The following IL1RAP variants were observed in gnomAD, a reference collection of about 807,000 sequenced individuals.
IL1RAP encodes interleukin-1 receptor accessory protein.
In IL1RAP, 35 loss-of-function variants were observed where a neutral mutation model predicts 60.7. The ratio of observed to expected loss-of-function variants is 0.58; its 90% CI spans 0.44 to 0.76. IL1RAP has a LOEUF of 0.76. Ranked by LOEUF, IL1RAP falls within the 30% of genes least tolerant of loss-of-function variation. The pLI is 0.00. For missense variants in IL1RAP, 572 were observed against 693.9 expected, an observed-to-expected ratio of 0.82 and a Z score of 1.97; for synonymous variants, 268 against 250.9, an observed-to-expected ratio of 1.07 and a Z score of -0.64.
intron 1 of IL1RAP, among the ~76,000 whole-genome samples, chr3:190,532,696 C>G (rs1024215123): frequency 6.6e-6 from 1 of 152,174 alleles, no homozygotes; most frequent in African/African-American, 2.4e-5. Flanking sequence ...TGCTTTGCCT[C>G]CCTGTGCTGA....
chr3:190,532,788 C>T (rs1480090054), intron 1 of IL1RAP, among the ~76,000 whole-genome samples: 3 of 152,098 alleles, frequency 2.0e-5, no homozygotes, highest in Non-Finnish European at 4.4e-5. Context: ...TTAGTTAGTA[C>T]TCTGATGTGT....
chr3:190,547,416 G>A (rs1011606945), intron 1 of IL1RAP, among the ~76,000 whole-genome samples: 2 of 152,144 alleles, frequency 1.3e-5, no homozygotes, highest in African/African-American at 4.8e-5. Context: ...AGAAGCCATA[G>A]AATTTTCTCA....
At chr3:190,620,856 A>G (rs1324283143) in intron 6 of IL1RAP, among the ~76,000 whole-genome samples, 1 of 152,250 alleles carries the variant, frequency 6.6e-6, no homozygotes, top group Non-Finnish European at 1.5e-5. Context: ...GACTCAGTGC[A>G]ACACTTTTGT....
At chr3:190,547,768 C>T (rs898946871) in intron 1 of IL1RAP, among the ~76,000 whole-genome samples, 1 of 152,128 alleles carries the variant, frequency 6.6e-6, no homozygotes, top group African/African-American at 2.4e-5. Context: ...TTAACTCTTC[C>T]TAATAAAACT....
intron 3 of IL1RAP, among the ~76,000 whole-genome samples, chr3:190,571,939 G>A (rs1477382292): frequency 5.3e-5 from 8 of 152,204 alleles, no homozygotes; most frequent in Non-Finnish European, 1.0e-4. Context: ...CAGGAGAGCC[G>A]GAAGATTGGA....
chr3:190,560,240 G>A (rs1725769736), intron 2 of IL1RAP, among the ~76,000 whole-genome samples: 1 of 152,194 alleles, frequency 6.6e-6, no homozygotes, highest in Non-Finnish European at 1.5e-5. Context: ...TGGGATTAGG[G>A]CAGGATTGGG....
At position 190,604,025 on chromosome 3, in the gene IL1RAP, G is replaced by A. The variant is rs137978474; in HGVS notation, c.65-103G>A. ...GGCTGGAAGATGACCAGAGAAAGAG[G>A]TTCTGGAAAAGACCGGGTGAACTGA... On this transcript the variant is annotated intron_variant, in intron 3 of 11. Transcript: ENST00000447382. The A allele has an allele frequency of 1.1e-3, 1,278 of 1,163,892 alleles. 13 individuals are homozygous for A. The East Asian group carries it at 0.012, about 11-fold the overall frequency. The allele number at this position is 1,163,892 out of a possible 1,614,324, so 72.1% of individuals were successfully genotyped here. A position where few individuals can be genotyped will look rare whatever the true frequency, so the allele number is the denominator to read the frequency against.
chr3:190,529,864 AAAAAAAAAAAG>A (rs1425150753), intron 1 of IL1RAP, among the ~76,000 whole-genome samples: 2 of 151,462 alleles, frequency 1.3e-5, no homozygotes, highest in East Asian at 1.9e-4. Context: ...ACTCAAAAAA[AAAAAAAAAAAG>A]AAAAGAAAAA....
At chr3:190,587,583 G>A (rs1194942100) in intron 3 of IL1RAP, among the ~76,000 whole-genome samples, 1 of 152,210 alleles carries the variant, frequency 6.6e-6, no homozygotes, top group Non-Finnish European at 1.5e-5. Context: ...ATTTAGCTAT[G>A]AGGAAGTTTA....
chr3:190,533,971 T>TTTTTA (rs1210636921), intron 1 of IL1RAP, among the ~76,000 whole-genome samples: 2 of 152,110 alleles, frequency 1.3e-5, no homozygotes, highest in Non-Finnish European at 2.9e-5. Flanking sequence ...TTTCTTCTAT[T>TTTTTA]TTTTCTTTTC....
chr3:190,607,580 A>T (rs1051248938), intron 4 of IL1RAP, among the ~76,000 whole-genome samples: 2 of 152,120 alleles, frequency 1.3e-5, no homozygotes, highest in African/African-American at 4.8e-5. Flanking sequence ...GATCAAATTT[A>T]GATATGAGGT....
chr3:190,597,830 C>T (rs943956793), intron 3 of IL1RAP, among the ~76,000 whole-genome samples: 3 of 152,130 alleles, frequency 2.0e-5, no homozygotes, highest in African/African-American at 4.8e-5. Flanking sequence ...CTTTCCCAAT[C>T]GGCATTCTCC....
In IL1RAP at chr3:190,526,337, CATT is replaced by C. The variant is rs1722510948; in HGVS notation, c.-89+12121_-89+12123del. Among the ~76,000 whole-genome samples the C allele has an allele frequency of 5.3e-5, 8 of 152,322 alleles. No homozygotes were observed. The South Asian group carries it at 1.7e-3, about 32-fold the overall frequency. ...ATATTGGAAATTGAGCAAGCTTAAT[CATT>C]ATACTATTCTGCTCTTTGATTGTAA... On this transcript the variant is annotated intron_variant, in intron 1 of 11. Transcript: ENST00000447382.
chr3:190,539,182 A>G (rs1485974852), intron 1 of IL1RAP, among the ~76,000 whole-genome samples: 1 of 152,136 alleles, frequency 6.6e-6, no homozygotes, highest in Non-Finnish European at 1.5e-5. Flanking sequence ...TATTTAAAGC[A>G]TAGGGAAATA....
At chr3:190,540,894 G>A (rs376530208) in intron 1 of IL1RAP, among the ~76,000 whole-genome samples, 5 of 152,194 alleles carry the variant, frequency 3.3e-5, no homozygotes, top group East Asian at 1.9e-4. Flanking sequence ...CATTACATAC[G>A]TGTTTTCAAG....
intron 7 of IL1RAP, among the ~76,000 whole-genome samples, chr3:190,626,030 G>A (rs1008973250): frequency 3.3e-5 from 5 of 152,084 alleles, no homozygotes; most frequent in African/African-American, 9.7e-5. Flanking sequence ...TTAGGGTGAC[G>A]ATATAATTTA....
At chr3:190,614,737 A>G (rs1277109636) in intron 5 of IL1RAP, among the ~76,000 whole-genome samples, 5 of 152,118 alleles carry the variant, frequency 3.3e-5, no homozygotes, top group African/African-American at 1.2e-4. Flanking sequence ...GCAGCTACTG[A>G]TGGGAGAGTC....
At chr3:190,608,403 G>T (rs1301159714) in intron 4 of IL1RAP, among the ~76,000 whole-genome samples, 1 of 152,156 alleles carries the variant, frequency 6.6e-6, no homozygotes, top group Admixed American at 6.6e-5. Context: ...TATAAAAGAT[G>T]ATAAAAACGG....
chr3:190,553,773 G>A (rs1381898321), intron 1 of IL1RAP, among the ~76,000 whole-genome samples: 2 of 152,134 alleles, frequency 1.3e-5, no homozygotes, highest in Non-Finnish European at 2.9e-5. Flanking sequence ...AGAAATGAGA[G>A]GGAAAGGCCG....
Sources: gnomAD v4.1 joint callset for allele counts (sites outside exome capture counted in the v4.1 genomes callset) on GRCh38, gnomAD v4.1.1 for gene constraint, MANE v1.5 for transcripts, NCBI Gene and HGNC (gene_info 2026-07-23, HGNC 2026-07-21) for gene names.